Variants in USH2A observed in about 807,000 individuals in gnomAD.
USH2A encodes usherin.
In USH2A, 443 loss-of-function variants were observed where a neutral mutation model predicts 538.9. The ratio of observed to expected loss-of-function variants is 0.82; its 90% CI spans 0.76 to 0.89. The LOEUF (loss-of-function observed/expected upper bound fraction) is 0.89, where lower values mean the gene tolerates loss of function less well. Among genes scored for constraint, USH2A ranks in the 40% least tolerant of loss-of-function variants. The pLI is 0.00. For synonymous variants in USH2A, 2,413 were observed against 2,273.5 expected (o/e 1.06, Z -1.75); for missense variants, 6,633 against 6,324.8 (o/e 1.05, Z -1.65).
intron 27 of USH2A, among the ~76,000 whole-genome samples, chr1:216,075,381 A>G (rs1460347148): frequency 6.6e-6 from 1 of 152,190 alleles, no homozygotes; most frequent in Non-Finnish European, 1.5e-5. Flanking sequence ...TGCGAGGACA[A>G]CAAAAGGAGA....
chr1:216,186,180 T>C (rs1198416541), intron 20 of USH2A, among the ~76,000 whole-genome samples: 1 of 151,738 alleles, frequency 6.6e-6, no homozygotes, highest in Non-Finnish European at 1.5e-5. Context: ...ATACAATTTT[T>C]TGAAGAATGA....
chr1:216,134,920 T>C (rs2033450815), intron 21 of USH2A, among the ~76,000 whole-genome samples: 1 of 152,036 alleles, frequency 6.6e-6, no homozygotes, highest in East Asian at 1.9e-4. Flanking sequence ...TACATAAGCA[T>C]ATGACTCTAA....
chr1:215,662,955 G>A (rs541364337), intron 64 of USH2A, among the ~76,000 whole-genome samples: 1 of 152,264 alleles, frequency 6.6e-6, no homozygotes, highest in South Asian at 2.1e-4. Flanking sequence ...TAGAAAACAG[G>A]CAATACAAAG....
intron 44 of USH2A, among the ~76,000 whole-genome samples, chr1:215,846,985 T>C (rs1273818186): frequency 6.6e-6 from 1 of 152,182 alleles, no homozygotes; most frequent in Non-Finnish European, 1.5e-5. Flanking sequence ...TCTCTTCTAG[T>C]TCAATGTGTT....
chr1:215,779,872 G>A lies in USH2A; in HGVS notation c.10910C>T (p.Thr3637Ile). The A allele has an allele frequency of 1.2e-6, 2 of 1,613,910 alleles. No homozygotes were observed. Among genetic ancestry groups the A allele is most frequent in the Non-Finnish European group, 1.7e-6 (2 of 1,179,998 alleles). Residue 3637 changes from threonine to isoleucine, a missense_variant, in exon 55 of 72, where the codon ACC (threonine) becomes ATC (isoleucine). Coordinates refer to ENST00000307340, the MANE Select transcript of USH2A (RefSeq NM_206933.4). ...QVGKGLIHTD[T>I]TDRRQHTVTG... is the part of the protein sequence containing the mutation. ...GACCGTATGCTGTCTCCTGTCAGTGGTGTCAGTGTGGATGAGACCTTTCCC... is the reference window on the plus strand; with the variant it reads ...GACCGTATGCTGTCTCCTGTCAGTGATGTCAGTGTGGATGAGACCTTTCCC...
In USH2A at chr1:216,078,250, A is replaced by G. The variant is rs1477140456; in HGVS notation, c.5411T>C (p.Ile1804Thr). The G allele has an allele frequency of 6.2e-7, 1 of 1,613,896 alleles. No homozygotes were observed. The highest frequency in any genetic ancestry group is 8.5e-7 in the Non-Finnish European group (1 of 1,179,818). ...TATGAAAGAGCCTTCCTTTTTAATA[A>G]TGACTTTATTCCACTTTCCATTACA... is the stretch of plus-strand genomic sequence containing the variant. ...SYCNGKWNKV[I>T]IKKEGSFISA... The change falls in exon 27 of 72, where the codon ATT (isoleucine) becomes ACT (threonine). Residue 1804 changes from isoleucine (I) to threonine (T), a missense_variant. By Grantham distance (89) the Ile-to-Thr change is moderately conservative. Coordinates refer to ENST00000307340, the MANE Select transcript of USH2A (RefSeq NM_206933.4).
chr1:216,153,787 A>C (rs2033887022), intron 21 of USH2A, among the ~76,000 whole-genome samples: 1 of 152,194 alleles, frequency 6.6e-6, no homozygotes, highest in African/African-American at 2.4e-5. Flanking sequence ...CTGTAAATTA[A>C]AGTTCTAATT....
intron 51 of USH2A, 58 bp downstream of exon 51, chr1:215,790,001 A>G (rs1661934277): frequency 1.3e-6 from 2 of 1,514,870 alleles, no homozygotes; most frequent in African/African-American, 2.8e-5. Context: ...AGTTATGAAC[A>G]ATGTATTTCT....
In USH2A at chr1:216,364,944, G is replaced by A; in HGVS notation, c.784+9C>T. 6.2e-7 allele frequency: 1 copy of A among 1,613,266 alleles called. No homozygotes were observed. Among genetic ancestry groups the A allele is most frequent in the South Asian group, 1.1e-5 (1 of 91,054 alleles). On this transcript the variant is annotated intron_variant, in intron 4 of 71. Coordinates refer to ENST00000307340, the MANE Select transcript of USH2A (RefSeq NM_206933.4). ...TGAAATAAATAACATTCTGAAGTCAGAAACTTACCATTTAAACTCTGTCCT... is the reference window on the plus strand; with the variant it reads ...TGAAATAAATAACATTCTGAAGTCAAAAACTTACCATTTAAACTCTGTCCT...
intron 4 of USH2A, among the ~76,000 whole-genome samples, chr1:216,346,065 G>A (rs537807399): frequency 5.9e-5 from 9 of 152,068 alleles, no homozygotes; most frequent in East Asian, 1.9e-4. Flanking sequence ...TTTGATATGC[G>A]CATGAACATT....
intron 66 of USH2A, 67 bp downstream of exon 66, chr1:215,648,461 T>C: frequency 8.6e-6 from 13 of 1,516,956 alleles, no homozygotes; most frequent in South Asian, 1.1e-5. Context: ...GAGTAGGCTA[T>C]ACCATGAGTT....
At chr1:215,870,078 A>C (rs988253155) in intron 43 of USH2A, among the ~76,000 whole-genome samples, 2 of 149,628 alleles carry the variant, frequency 1.3e-5, no homozygotes, top group African/African-American at 2.5e-5. Context: ...CTGAGAAACA[A>C]GTGGATTTGT....
chr1:215,851,473 C>A (rs1254512664), intron 44 of USH2A, among the ~76,000 whole-genome samples: 1 of 152,084 alleles, frequency 6.6e-6, no homozygotes, highest in Non-Finnish European at 1.5e-5. Context: ...ATATACAACT[C>A]TCCTAGATTA....
rs143872136 is a variant in USH2A, at chr1:216,331,832, G to A, written c.785-4178C>T. Among the ~76,000 whole-genome samples, 770 of 152,142 alleles carry A rather than the reference G, an allele frequency of 5.1e-3. 7 individuals carry two copies. The highest frequency in any genetic ancestry group is 0.018 in the African/African-American group (729 of 41,522). ...AAAAACTATAAGACATTGAGGAAACGAATAAAAGGACATCAGCAATGGCAG... is the reference window on the plus strand; with the variant it reads ...AAAAACTATAAGACATTGAGGAAACAAATAAAAGGACATCAGCAATGGCAG... On this transcript the variant is annotated intron_variant, in intron 4 of 71. Transcript: ENST00000307340.
chr1:215,850,216 A>G (rs1375346079), intron 44 of USH2A, among the ~76,000 whole-genome samples: 3 of 152,186 alleles, frequency 2.0e-5, no homozygotes, highest in East Asian at 1.9e-4. Context: ...GTAACAGCAT[A>G]TTAAGTTCTT....
In USH2A at chr1:216,080,865, T is replaced by C. The variant is rs577229571; in HGVS notation, c.5299-2503A>G. On this transcript the variant is annotated intron_variant, in intron 26 of 71. Coordinates refer to ENST00000307340, the MANE Select transcript of USH2A (RefSeq NM_206933.4). ...CTGGCTTGGCTCAAATACGGTCAAG[T>C]TGATAGAGAGACTGAAAGTTGAATA... 5.6e-3 allele frequency among the ~76,000 whole-genome samples: 857 copies of C among 151,738 alleles called. 3 individuals are homozygous for C. Among genetic ancestry groups the C allele is most frequent in the Admixed American group, 8.6e-3 (130 of 15,196 alleles).
At chr1:215,821,208 G>T (rs975745188) in intron 47 of USH2A, among the ~76,000 whole-genome samples, 2 of 151,812 alleles carry the variant, frequency 1.3e-5, no homozygotes, top group African/African-American at 2.4e-5. Flanking sequence ...CCCACCAACA[G>T]TGTAAATAGA....
chr1:215,905,236 G>A (rs1665608698), intron 38 of USH2A, among the ~76,000 whole-genome samples: 1 of 152,010 alleles, frequency 6.6e-6, no homozygotes, highest in Admixed American at 6.6e-5. Flanking sequence ...TGAATTCACT[G>A]TGCTTTCCAT....
intron 61 of USH2A, among the ~76,000 whole-genome samples, chr1:215,699,054 A>C (rs1658912279): frequency 6.6e-6 from 1 of 152,202 alleles, no homozygotes; most frequent in Non-Finnish European, 1.5e-5. Flanking sequence ...CAGTTTTCCC[A>C]ACACTGTTTA....
Sources: allele counts gnomAD v4.1 joint callset (sites outside exome capture counted in the v4.1 genomes callset), GRCh38; gene constraint gnomAD v4.1.1; transcripts MANE v1.5; gene names NCBI Gene and HGNC (gene_info 2026-07-23, HGNC 2026-07-21).